KIF15: variants seen among roughly 807,000 people sequenced by gnomAD.
KIF15 encodes kinesin family member 15.
In KIF15, 140 loss-of-function variants were observed where a neutral mutation model predicts 190.6. The observed-to-expected ratio is 0.73, with a 90% CI of 0.64 to 0.84. The LOEUF is 0.84. Ranked by LOEUF, KIF15 falls within the 40% of genes least tolerant of loss-of-function variation. KIF15 has a pLI of 0.00. For synonymous variants in KIF15, 528 were observed against 551.3 expected (o/e 0.96, Z 0.59); for missense variants, 1,372 against 1,584.4 (o/e 0.87, Z 2.28).
chr3:44,794,953 C>A (rs1018406720), intron 8 of KIF15, among the ~76,000 whole-genome samples: 4 of 151,934 alleles, frequency 2.6e-5, no homozygotes, highest in African/African-American at 9.7e-5. Flanking sequence ...CAGAGAGAGA[C>A]TCTGTCTCAG....
At chr3:44,773,540 A>G (rs569513883) in intron 1 of KIF15, among the ~76,000 whole-genome samples, 32 of 152,344 alleles carry the variant, frequency 2.1e-4, no homozygotes, top group Non-Finnish European at 4.6e-4. Flanking sequence ...ATTGTAGAAG[A>G]AAAGATAGGT....
Position 44,786,555 on chromosome 3 carries a change from C to T in KIF15, c.620C>T (p.Ser207Leu). 1 of 1,612,058 alleles carries T rather than the reference C, an allele frequency of 6.2e-7. No homozygotes were observed. Among genetic ancestry groups the T allele is most frequent in the Non-Finnish European group, 8.5e-7 (1 of 1,178,652 alleles). Residue 207 changes from serine (S) to leucine (L), a missense_variant, in exon 7 of 35, where the codon TCA becomes TTA. Physicochemically the swap from Ser to Leu is moderately radical, Grantham distance 145. Coordinates refer to ENST00000326047, the MANE Select transcript of KIF15 (RefSeq NM_020242.3). ...GGTGCGGTGGAGCAGGTGGTAACCT[C>T]AGCTGCTGAAGCCTATCAGGTACCC... is the stretch of plus-strand genomic sequence containing the variant. ...VVGAVEQVVTSAAEAYQVLSG... is the reference protein window; with the variant it reads ...VVGAVEQVVTLAAEAYQVLSG...
intron 6 of KIF15, among the ~76,000 whole-genome samples, 196 bp from the exon 7 acceptor site, chr3:44,786,199 G>C (rs9823416): frequency 0.45 from 68,086 of 152,024 alleles, 16,413 homozygotes; most frequent in East Asian, 0.82. Flanking sequence ...CTGGACAACA[G>C]AGTGAGACTC....
intron 6 of KIF15, chr3:44,865,169 A>C: frequency 6.2e-7 from 1 of 1,614,192 alleles, no homozygotes; most frequent in Non-Finnish European, 8.5e-7. Context: ...CCTTCCACAC[A>C]AGCAGCAGTA....
chr3:44,829,679 A>G (rs983318725), intron 24 of KIF15, among the ~76,000 whole-genome samples: 1 of 125,066 alleles, frequency 8.0e-6, no homozygotes, highest in Middle Eastern at 3.4e-3. Context: ...TAATATATGT[A>G]TATATATTAT....
intron 7 of KIF15, among the ~76,000 whole-genome samples, chr3:44,787,477 T>A (rs558041619): frequency 3.9e-4 from 60 of 152,308 alleles, no homozygotes; most frequent in African/African-American, 1.4e-3. Context: ...TCTTTTATCT[T>A]CAATAAAAGA....
Position 44,826,128 on chromosome 3 carries a change from A to G in KIF15, c.2639A>G (p.Gln880Arg). ...GAAATAATGAAATTTGAGATTGACC[A>G]ACTTTCAAGAAACCTCCAAAACTTC... ...LQEIMKFEIDQLSRNLQNFKK... is the reference protein window; with the variant it reads ...LQEIMKFEIDRLSRNLQNFKK... The change falls in exon 21 of 35, where the codon CAA becomes CGA. Residue 880 changes from glutamine (Q) to arginine (R), a missense_variant. By Grantham distance (43) the Gln-to-Arg change is conservative. Coordinates refer to ENST00000326047, the MANE Select transcript of KIF15 (RefSeq NM_020242.3). 2 of 1,587,694 alleles carry G rather than the reference A, an allele frequency of 1.3e-6. No homozygotes were observed. Among genetic ancestry groups the G allele is most frequent in the Non-Finnish European group, 1.7e-6 (2 of 1,173,646 alleles).
chr3:44,821,200 C>T (rs35206783), intron 20 of KIF15, among the ~76,000 whole-genome samples: 4 of 146,362 alleles, frequency 2.7e-5, no homozygotes, highest in East Asian at 2.1e-4. Flanking sequence ...CCAGTAGGGG[C>T]GGCTGGGCAG....
At chr3:44,775,030 G>A (rs1228337234) in intron 2 of KIF15, among the ~76,000 whole-genome samples, 5 of 152,100 alleles carry the variant, frequency 3.3e-5, no homozygotes, top group Admixed American at 6.6e-5. Context: ...AACCCAGGAG[G>A]TGGAGGTTGC....
rs1317381904 is a variant in KIF15 at position 44,779,126 on chromosome 3, CTTG to C, written c.323+941_323+943del. 9.3e-5 allele frequency among the ~76,000 whole-genome samples: 14 copies of C among 150,042 alleles called. No individual in the cohort carries two copies. The South Asian group carries it at 2.7e-3, about 29-fold the overall frequency. On this transcript the variant is annotated intron_variant, in intron 4 of 34. Coordinates refer to ENST00000326047, the MANE Select transcript of KIF15 (RefSeq NM_020242.3). ...ACTAAAAATTATTTACCTTGTTGTT[CTTG>C]TTGTTCCAGCTTTGCCCAATGGGCC...
intron 8 of KIF15, among the ~76,000 whole-genome samples, chr3:44,797,274 C>T (rs1356676888): frequency 6.6e-6 from 1 of 152,158 alleles, no homozygotes; most frequent in Non-Finnish European, 1.5e-5. Flanking sequence ...AGCAACCTGC[C>T]CACCTCGGCC....
At chr3:44,807,819 C>A (rs1409424566) in intron 16 of KIF15, among the ~76,000 whole-genome samples, 1 of 151,946 alleles carries the variant, frequency 6.6e-6, no homozygotes, top group Non-Finnish European at 1.5e-5. Flanking sequence ...GGCAGCAGCT[C>A]AAGAATGTTA....
chr3:44,816,227 T>C (rs992596793), intron 20 of KIF15, among the ~76,000 whole-genome samples: 8 of 152,234 alleles, frequency 5.3e-5, no homozygotes, highest in African/African-American at 1.9e-4. Flanking sequence ...CTGCTGCTGC[T>C]GCTTCTCCTT....
chr3:44,828,157 G>A (rs1697777240), intron 23 of KIF15, 57 bp from the exon 24 acceptor site: 2 of 1,207,950 alleles, frequency 1.7e-6, no homozygotes, highest in East Asian at 2.4e-5. Flanking sequence ...TTATCTGTGT[G>A]TATGGTTAAC....
intron 34 of KIF15, 124 bp from the exon 35 acceptor site, chr3:44,852,549 A>AAAC: frequency 2.4e-6 from 2 of 845,774 alleles, no homozygotes; most frequent in African/African-American, 1.7e-5. Context: ...TTTAACGTTT[A>AAAC]GTTTGCACAT....
At chr3:44,779,935 T>TA (rs1281422629) in intron 4 of KIF15, among the ~76,000 whole-genome samples, 1 of 151,810 alleles carries the variant, frequency 6.6e-6, no homozygotes, top group Non-Finnish European at 1.5e-5. Context: ...AAGAAGGGGG[T>TA]AAAAAACTAT....
At chr3:44,839,745 T>C (rs537589426) in intron 27 of KIF15, among the ~76,000 whole-genome samples, 40 of 152,248 alleles carry the variant, frequency 2.6e-4, no homozygotes, top group Non-Finnish European at 4.4e-4. Flanking sequence ...TCAACTTTTT[T>C]TGATTCCACA....
intron 5 of KIF15, among the ~76,000 whole-genome samples, chr3:44,783,528 C>T: frequency 6.6e-6 from 1 of 152,202 alleles, no homozygotes; most frequent in Non-Finnish European, 1.5e-5. Context: ...CAGCAGGCGA[C>T]ACCTCCAACA....
At position 44,801,921 on chromosome 3, in the gene KIF15, C is replaced by T; in HGVS notation, c.1456C>T (p.Gln486Ter). ...CCGGGGAGGTTTTCTGCCTGAGGAG[C>T]AGGATCGTTTGCTCTCAGAATTAAG... ...ESRGGFLPEE[Q>*]DRLLSELRNE... The change falls in exon 13 of 35, where the codon CAG becomes TAG. Residue 486 changes from glutamine to a stop codon, truncating the protein, a stop_gained. Transcript: ENST00000326047. LOFTEE classifies it high-confidence loss of function. 6.2e-7 allele frequency: 1 copy of T among 1,613,804 alleles called. No homozygotes were observed. Among genetic ancestry groups the T allele is most frequent in the East Asian group, 2.2e-5 (1 of 44,866 alleles).
Sources: allele counts gnomAD v4.1 joint callset (sites outside exome capture counted in the v4.1 genomes callset), GRCh38; gene constraint gnomAD v4.1.1; transcripts MANE v1.5; gene names NCBI Gene and HGNC (gene_info 2026-07-23, HGNC 2026-07-21).